EGFR: variants seen among roughly 807,000 people sequenced by gnomAD.
EGFR encodes the protein epidermal growth factor receptor.
A neutral mutation model predicts 143.0 loss-of-function variants in EGFR; 58 were observed. That is an observed-to-expected ratio of 0.41 (90% confidence interval 0.33 to 0.50). EGFR has a LOEUF of 0.50. Ranked by LOEUF, EGFR falls within the 20% of genes least tolerant of loss-of-function variation. The pLI, the probability that EGFR is intolerant of heterozygous loss-of-function variation, is 0.39. For synonymous variants in EGFR, 613 were observed against 594.4 expected (o/e 1.03, Z -0.45); for missense variants, 1,307 against 1,579.0 (o/e 0.83, Z 2.92).
intron 21 of EGFR, 136 bp downstream of exon 21, chr7:55,192,010 G>C (rs894049799): frequency 7.5e-7 from 1 of 1,341,572 alleles, no homozygotes; most frequent in Non-Finnish European, 1.0e-6. Flanking sequence ...AGCAGCTGCT[G>C]CTGGCAGCTG....
In EGFR at chr7:55,208,283, A is replaced by C. The variant is rs1441213108; in HGVS notation, c.*2666A>C. The C allele has an allele frequency of 3.3e-5, 5 of 152,342 alleles. No individual in the cohort carries two copies. Among genetic ancestry groups the C allele is most frequent in the South Asian group, 2.1e-4 (1 of 4,818 alleles). 9.4% of individuals were successfully genotyped at this position (152,342 alleles called of 1,614,324 possible). On this transcript the variant is annotated 3_prime_UTR_variant, in exon 28 of 28. Coordinates refer to ENST00000275493, the MANE Select transcript of EGFR (RefSeq NM_005228.5). ...GGGCAGGTCAGGAGAGGAGCTGCCC[A>C]AAGTCCCATGATTTTCACCTAACAG...
At chr7:55,181,082 C>T (rs931901416) in intron 19 of EGFR, 3 of 632,638 alleles carry the variant, frequency 4.7e-6, no homozygotes, top group African/African-American at 3.7e-5. Flanking sequence ...CAGATGCACC[C>T]AGGAGGGGCC....
intron 1 of EGFR, among the ~76,000 whole-genome samples, chr7:55,022,330 G>A (rs77058747): frequency 0.016 from 2,395 of 152,272 alleles, 60 homozygotes; most frequent in African/African-American, 0.055. Flanking sequence ...TTCTGGAGAC[G>A]TTCCCATTCA....
At chr7:55,095,910 A>G (rs1791439534) in intron 1 of EGFR, among the ~76,000 whole-genome samples, 1 of 151,908 alleles carries the variant, frequency 6.6e-6, no homozygotes, top group African/African-American at 2.4e-5. Context: ...AGAGAGACAT[A>G]CATACAATAC....
At position 55,026,882 on chromosome 7, in the gene EGFR, G is replaced by GA. The variant is rs933525673; in HGVS notation, c.88+7527dup. Among the ~76,000 whole-genome samples, 282 of 148,114 alleles carry GA rather than the reference G, an allele frequency of 1.9e-3. 1 individual carries two copies. The highest frequency in any genetic ancestry group is 9.3e-3 in the East Asian group (47 of 5,054). ...TCTTTAACTGCCAAAAAAAAAAAGG[G>GA]AAAAAAAAAAGCTTTCTGCAGTGGC... On this transcript the variant is annotated intron_variant, in intron 1 of 27. Coordinates refer to ENST00000275493, the MANE Select transcript of EGFR (RefSeq NM_005228.5).
In EGFR at chr7:55,191,701, G is replaced by A. The variant is rs548926126; in HGVS notation, c.2470-18G>A. 1.2e-6 allele frequency: 2 copies of A among 1,613,444 alleles called. No individual in the cohort carries two copies. The highest frequency in any genetic ancestry group is 1.7e-6 in the Non-Finnish European group (2 of 1,179,932). ...CCATGATGATCTGTCCCTCACAGCA[G>A]GGTCTTCTCTGTTTCAGGGCATGAA... On this transcript the variant is annotated intron_variant, in intron 20 of 27. Coordinates refer to ENST00000275493, the MANE Select transcript of EGFR (RefSeq NM_005228.5).
At chr7:55,126,863 A>C (rs909296658) in intron 1 of EGFR, among the ~76,000 whole-genome samples, 1 of 152,238 alleles carries the variant, frequency 6.6e-6, no homozygotes, top group East Asian at 1.9e-4. Context: ...TACAAAAAGT[A>C]GTGTGGATTT....
In EGFR at chr7:55,206,073, A is replaced by G; in HGVS notation, c.*456A>G. ...CTGTGAGCAAGGAGCACAAGCCACA[A>G]GTCTTCCAGAGGATGCTTGATTCCA... On this transcript the variant is annotated 3_prime_UTR_variant, in exon 28 of 28. Transcript: ENST00000275493. 1 of 335,766 alleles carries G rather than the reference A, an allele frequency of 3.0e-6. No individual in the cohort carries two copies. Among genetic ancestry groups the G allele is most frequent in the East Asian group, 5.0e-5 (1 of 19,910 alleles). 20.8% of individuals were successfully genotyped at this position (335,766 alleles called of 1,614,324 possible).
At chr7:55,205,031 C>T (rs1353967926) in intron 27 of EGFR, among the ~76,000 whole-genome samples, 1 of 152,078 alleles carries the variant, frequency 6.6e-6, no homozygotes, top group Non-Finnish European at 1.5e-5. Context: ...GCAGTTTATC[C>T]TCTGAGAACT....
At chr7:55,133,139 G>A (rs557514489) in intron 1 of EGFR, among the ~76,000 whole-genome samples, 6 of 152,220 alleles carry the variant, frequency 3.9e-5, no homozygotes, top group Non-Finnish European at 7.3e-5. Flanking sequence ...GTGAGACAGC[G>A]CCCAGCGAGG....
chr7:55,167,160 ATGG>A (rs1786074313), intron 15 of EGFR, among the ~76,000 whole-genome samples: 1 of 132,710 alleles, frequency 7.5e-6, no homozygotes, highest in African/African-American at 3.0e-5. Context: ...GGGAGTCACA[ATGG>A]TGGTGGTGAT....
intron 5 of EGFR, 140 bp from the exon 6 acceptor site, chr7:55,152,406 A>G: frequency 1.2e-6 from 1 of 821,368 alleles, no homozygotes; most frequent in Non-Finnish European, 2.2e-6. Context: ...GCATGGTTTG[A>G]CTTAGTTTGA....
At chr7:55,097,150 C>T (rs916038332) in intron 1 of EGFR, among the ~76,000 whole-genome samples, 1 of 152,158 alleles carries the variant, frequency 6.6e-6, no homozygotes, top group Non-Finnish European at 1.5e-5. Context: ...TATTTCTGTG[C>T]CTTGCCCCAG....
At chr7:55,113,506 A>G (rs763125645) in intron 1 of EGFR, among the ~76,000 whole-genome samples, 3 of 152,186 alleles carry the variant, frequency 2.0e-5, no homozygotes, top group Non-Finnish European at 4.4e-5. Context: ...TGATGTGTAC[A>G]AGTGTGATGT....
chr7:55,079,102 T>TGCGAGG (rs1332207552), intron 1 of EGFR, among the ~76,000 whole-genome samples: 2 of 152,034 alleles, frequency 1.3e-5, no homozygotes, highest in African/African-American at 4.8e-5. Flanking sequence ...GGGCTCGAGC[T>TGCGAGG]GCGAGGCCCT....
chr7:55,063,491 C>CA (rs1434800474), intron 1 of EGFR, among the ~76,000 whole-genome samples: 3 of 152,038 alleles, frequency 2.0e-5, no homozygotes, highest in Admixed American at 2.0e-4. Context: ...ATATAATGAA[C>CA]AAAAAATAGT....
In EGFR at chr7:55,072,463, T is replaced by C. The variant is rs548975251; in HGVS notation, c.88+53098T>C. Among the ~76,000 whole-genome samples the C allele has an allele frequency of 1.6e-4, 24 of 152,346 alleles. No homozygotes were observed. The East Asian group carries it at 4.6e-3, about 29-fold the overall frequency. ...GTGGGCACCATGGAGCTGTCAGCAGTGCTTTCCTCAGAGGGCTGCGGGCTG... is the reference window on the plus strand; with the variant it reads ...GTGGGCACCATGGAGCTGTCAGCAGCGCTTTCCTCAGAGGGCTGCGGGCTG... On this transcript the variant is annotated intron_variant, in intron 1 of 27. Transcript: ENST00000275493.
intron 1 of EGFR, among the ~76,000 whole-genome samples, chr7:55,114,472 T>A (rs1285039793): frequency 6.6e-6 from 1 of 152,170 alleles, no homozygotes; most frequent in African/African-American, 2.4e-5. Flanking sequence ...GGTGACACAG[T>A]GAGACCCTGT....
chr7:55,044,561 C>T (rs1164251793), intron 1 of EGFR, among the ~76,000 whole-genome samples: 3 of 152,154 alleles, frequency 2.0e-5, no homozygotes, highest in Admixed American at 1.3e-4. Flanking sequence ...GTGCTTCGAG[C>T]GAGTTACCAG....
Sources: gnomAD v4.1 joint callset for allele counts (sites outside exome capture counted in the v4.1 genomes callset) on GRCh38, gnomAD v4.1.1 for gene constraint, MANE v1.5 for transcripts, NCBI Gene and HGNC (gene_info 2026-07-23, HGNC 2026-07-21) for gene names.